OR2L13: variants seen among roughly 807,000 people sequenced by gnomAD.
OR2L13 encodes olfactory receptor family 2 subfamily L member 13.
OR2L13 carries 14 observed loss-of-function variants against 15.3 expected under a neutral mutation model. The observed-to-expected ratio is 0.91, with a 90% confidence interval of 0.60 to 1.43. The LOEUF (loss-of-function observed/expected upper bound fraction) is 1.43. Among genes scored for constraint, OR2L13 ranks in the 40% most tolerant of loss-of-function variants. The pLI is 0.00. For synonymous variants in OR2L13, 152 were observed against 142.9 expected (o/e 1.06, Z -0.45); for missense variants, 367 against 387.9 (o/e 0.95, Z 0.45).
exon 3 of OR2L13, chr1:248,100,836 A>G (rs1204841856): frequency 6.0e-6 from 1 of 167,198 alleles, no homozygotes; most frequent in Non-Finnish European, 1.5e-5. Flanking sequence ...GTGTATGTGC[A>G]TGTATGGTGT....
the OR2L13 span, chr1:247,997,089 A>G: frequency 6.6e-6 from 1 of 152,236 alleles, no homozygotes; most frequent in Non-Finnish European, 1.5e-5. Context: ...TCATCTGACT[A>G]GCCTATGCAT....
upstream of OR2L13, among the ~76,000 whole-genome samples, chr1:248,094,038 G>A (rs894846739): frequency 1.3e-5 from 2 of 152,134 alleles, no homozygotes; most frequent in Non-Finnish European, 2.9e-5. Flanking sequence ...ATAATTTATT[G>A]TATATTTCAA....
At chr1:248,094,930 C>A (rs956416458), upstream of OR2L13, among the ~76,000 whole-genome samples, 1 of 152,148 alleles carries the variant, frequency 6.6e-6, no homozygotes, top group East Asian at 1.9e-4. Flanking sequence ...GCTCTGAAAT[C>A]ATGTACTGGA....
the OR2L13 span, among the ~76,000 whole-genome samples, chr1:248,085,943 C>G: frequency 6.6e-6 from 1 of 152,124 alleles, no homozygotes; most frequent in African/African-American, 2.4e-5. Context: ...ATGGGTAATG[C>G]TTGTTCACCT....
the OR2L13 span, among the ~76,000 whole-genome samples, chr1:248,068,878 T>G: frequency 1.3e-5 from 2 of 151,946 alleles, no homozygotes; most frequent in African/African-American, 2.4e-5. Context: ...GTATCAGTGA[T>G]GGAAGATGAA....
At chr1:248,026,766 A>T in the OR2L13 span, among the ~76,000 whole-genome samples, 1 of 150,968 alleles carries the variant, frequency 6.6e-6, no homozygotes, top group African/African-American at 2.5e-5. Flanking sequence ...GACACTTATC[A>T]CTTCCCCAAT....
upstream of OR2L13, among the ~76,000 whole-genome samples, chr1:248,095,751 C>T (rs1015912578): frequency 7.3e-5 from 11 of 150,680 alleles, no homozygotes; most frequent in East Asian, 2.0e-3. Context: ...GGATCACAGG[C>T]GCATGCCACC....
chr1:248,057,234 G>T, the OR2L13 span, among the ~76,000 whole-genome samples: 11 of 152,094 alleles, frequency 7.2e-5, no homozygotes, highest in Non-Finnish European at 1.2e-4. Context: ...TGACGGTGGG[G>T]TATTAAAGTC....
chr1:248,047,115 T>C, the OR2L13 span, among the ~76,000 whole-genome samples: 1 of 152,120 alleles, frequency 6.6e-6, no homozygotes, highest in Non-Finnish European at 1.5e-5. Context: ...TAAATGATGG[T>C]CAATTGAAGA....
the OR2L13 span, among the ~76,000 whole-genome samples, chr1:248,014,586 T>A: frequency 1.3e-5 from 2 of 152,076 alleles, no homozygotes; most frequent in Non-Finnish European, 2.9e-5. Context: ...GCATAGTATG[T>A]GGAAACAATG....
At chr1:248,003,146 C>A in the OR2L13 span, 2 of 1,370,660 alleles carry the variant, frequency 1.5e-6, no homozygotes, top group Non-Finnish European at 1.0e-6. Context: ...AAATTGCAAT[C>A]AAACATCAAC....
chr1:248,050,151 C>A, the OR2L13 span, among the ~76,000 whole-genome samples: 2 of 151,984 alleles, frequency 1.3e-5, no homozygotes, highest in African/African-American at 2.4e-5. Flanking sequence ...GTTCAGGTTT[C>A]AGGTTTGTGG....
the OR2L13 span, among the ~76,000 whole-genome samples, chr1:247,953,129 T>C: frequency 6.6e-6 from 1 of 152,216 alleles, no homozygotes. Flanking sequence ...TGTCATTTAC[T>C]ACATTGTTTA....
At chr1:248,005,726 A>G in the OR2L13 span, among the ~76,000 whole-genome samples, 1 of 152,116 alleles carries the variant, frequency 6.6e-6, no homozygotes, top group Non-Finnish European at 1.5e-5. Flanking sequence ...TGTTTTGTAC[A>G]AATCATTCTA....
the OR2L13 span, among the ~76,000 whole-genome samples, chr1:247,979,066 AT>A: frequency 6.9e-3 from 1,057 of 152,248 alleles, 7 homozygotes; most frequent in African/African-American, 0.024. Context: ...CTTTTCCCAC[AT>A]CAAATAAGGA....
At chr1:248,099,601 A>G in exon 3 of OR2L13, 2 of 1,613,716 alleles carry the variant, frequency 1.2e-6, no homozygotes, top group Non-Finnish European at 1.7e-6. Flanking sequence ...CATCTCCACC[A>G]CCGTCCCCAA....
At chr1:248,097,415 A>G (rs550507181) in intron 1 of OR2L13, 2 of 152,328 alleles carry the variant, frequency 1.3e-5, no homozygotes, top group African/African-American at 4.8e-5. Context: ...ATGTCTAACA[A>G]GGAAAGCTGC....
chr1:247,958,348 T>A, the OR2L13 span, among the ~76,000 whole-genome samples: 2,018 of 152,158 alleles, frequency 0.013, 34 homozygotes, highest in African/African-American at 0.044. Flanking sequence ...TGCTGAGGAG[T>A]GCTTTACTTC....
At chr1:247,988,747 A>G in the OR2L13 span, among the ~76,000 whole-genome samples, 1 of 152,196 alleles carries the variant, frequency 6.6e-6, no homozygotes, top group Non-Finnish European at 1.5e-5. Flanking sequence ...AGAATGCTCG[A>G]ACCACCTATA....
Sources: gnomAD v4.1 joint callset for allele counts (sites outside exome capture counted in the v4.1 genomes callset) on GRCh38, gnomAD v4.1.1 for gene constraint, MANE v1.5 for transcripts, NCBI Gene and HGNC (gene_info 2026-07-23, HGNC 2026-07-21) for gene names.